Variants in KIAA1217 observed in about 807,000 individuals in gnomAD.
The protein encoded by KIAA1217 is KIAA1217, also known as sickle tail protein homolog.
Under a neutral mutation model 163.9 loss-of-function variants are expected in KIAA1217, and 88 were observed. The observed-to-expected ratio is 0.54, with a 90% CI of 0.45 to 0.64. KIAA1217 has a LOEUF of 0.64. Ranked by LOEUF, KIAA1217 falls within the 30% of genes least tolerant of loss-of-function variation. The pLI, the probability that KIAA1217 is intolerant of heterozygous loss-of-function variation, is 0.00. For synonymous variants in KIAA1217, 903 were observed against 923.1 expected (o/e 0.98, Z 0.39); for missense variants, 2,372 against 2,475.0 (o/e 0.96, Z 0.88).
intron 10 of KIAA1217, 38 bp downstream of exon 10, chr10:24,513,472 T>C: frequency 6.3e-7 from 1 of 1,596,676 alleles, no homozygotes; most frequent in Non-Finnish European, 8.6e-7. Context: ...CTGTTTCACC[T>C]GCAAAGGAAA....
At chr10:24,207,282 T>TCTCTCACA (rs529791287), upstream of KIAA1217, among the ~76,000 whole-genome samples, 14 of 140,234 alleles carry the variant, frequency 1.0e-4, no homozygotes, top group South Asian at 1.1e-3. Flanking sequence ...TCTCTCTCTC[T>TCTCTCACA]CACACACACA....
At chr10:23,711,454 G>A (rs895530542) in intron 1 of KIAA1217, among the ~76,000 whole-genome samples, 5 of 152,176 alleles carry the variant, frequency 3.3e-5, no homozygotes, top group Admixed American at 2.6e-4. Flanking sequence ...GCCTCCAGGA[G>A]ACAGAACAGG....
intron 1 of KIAA1217, among the ~76,000 whole-genome samples, chr10:23,944,721 T>A (rs1227572532): frequency 3.3e-5 from 5 of 152,174 alleles, no homozygotes; most frequent in Non-Finnish European, 7.3e-5. Context: ...CGTCATGCAT[T>A]GGTGGTACAG....
chr10:24,384,076 G>A (rs1291885586), intron 3 of KIAA1217, among the ~76,000 whole-genome samples: 2 of 152,202 alleles, frequency 1.3e-5, no homozygotes, highest in Non-Finnish European at 2.9e-5. Context: ...CAGAAGCACA[G>A]CTGCAACTCC....
chr10:24,321,682 A>G (rs1356442100), intron 2 of KIAA1217, among the ~76,000 whole-genome samples: 1 of 152,194 alleles, frequency 6.6e-6, no homozygotes, highest in Non-Finnish European at 1.5e-5. Flanking sequence ...GACAAATAGT[A>G]TAGGATTCCA....
At chr10:24,073,739 G>C (rs1228321997) in intron 2 of KIAA1217, among the ~76,000 whole-genome samples, 3 of 152,198 alleles carry the variant, frequency 2.0e-5, no homozygotes, top group African/African-American at 7.2e-5. Flanking sequence ...CCAGAGCAGA[G>C]CTGAGACCAA....
At chr10:24,156,361 A>T (rs1005613489) in intron 2 of KIAA1217, among the ~76,000 whole-genome samples, 1 of 152,166 alleles carries the variant, frequency 6.6e-6, no homozygotes, top group Non-Finnish European at 1.5e-5. Flanking sequence ...CTGTTTATCC[A>T]TTTAAATGTT....
intron 1 of KIAA1217, among the ~76,000 whole-genome samples, chr10:23,952,755 A>G (rs1303775066): frequency 6.6e-6 from 1 of 152,246 alleles, no homozygotes; most frequent in Non-Finnish European, 1.5e-5. Flanking sequence ...ACATACTTGT[A>G]AACTATAAAG....
chr10:23,943,020 G>A (rs1346093562), intron 1 of KIAA1217, among the ~76,000 whole-genome samples: 1 of 151,582 alleles, frequency 6.6e-6, no homozygotes, highest in Non-Finnish European at 1.5e-5. Context: ...AGCTACTCAA[G>A]AGGCTGAGGT....
chr10:23,729,131 A>AT (rs1215060334), intron 1 of KIAA1217, among the ~76,000 whole-genome samples: 2 of 152,090 alleles, frequency 1.3e-5, no homozygotes, highest in African/African-American at 4.8e-5. Flanking sequence ...TTCATAGCTC[A>AT]TTTCTTTTTA....
chr10:24,270,052 C>T (rs1262335708), intron 2 of KIAA1217, among the ~76,000 whole-genome samples: 1 of 152,212 alleles, frequency 6.6e-6, no homozygotes, highest in East Asian at 1.9e-4. Context: ...CACAGATTGC[C>T]GAGTTCTGGT....
At chr10:23,761,657 G>A (rs1299203033) in intron 1 of KIAA1217, among the ~76,000 whole-genome samples, 1 of 152,134 alleles carries the variant, frequency 6.6e-6, no homozygotes, top group Non-Finnish European at 1.5e-5. Context: ...ATTTGCTGAG[G>A]AGTGTTTTAC....
chr10:24,342,137 T>C (rs1332511677), intron 2 of KIAA1217, among the ~76,000 whole-genome samples: 3 of 152,170 alleles, frequency 2.0e-5, no homozygotes, highest in African/African-American at 7.2e-5. Context: ...TGTGTACAAA[T>C]ACACACAAGG....
chr10:24,515,240 G>A (rs2069897404), intron 10 of KIAA1217, among the ~76,000 whole-genome samples: 1 of 151,624 alleles, frequency 6.6e-6, no homozygotes, highest in Non-Finnish European at 1.5e-5. Flanking sequence ...GCTAATTTTT[G>A]TATTTTTAGT....
intron 1 of KIAA1217, among the ~76,000 whole-genome samples, chr10:23,812,757 T>C (rs565745916): frequency 3.9e-5 from 6 of 152,360 alleles, no homozygotes; most frequent in African/African-American, 1.4e-4. Flanking sequence ...TAGATTTGTC[T>C]ATTCTAGATA....
chr10:24,352,677 G>A (rs2048603814), intron 2 of KIAA1217, among the ~76,000 whole-genome samples: 1 of 152,114 alleles, frequency 6.6e-6, no homozygotes, highest in Admixed American at 6.5e-5. Context: ...AGGCAAGTGG[G>A]ATTTATTAGC....
At chr10:23,993,637 C>T (rs1241513949) in intron 1 of KIAA1217, among the ~76,000 whole-genome samples, 1 of 144,206 alleles carries the variant, frequency 6.9e-6, no homozygotes, top group Admixed American at 7.2e-5. Flanking sequence ...CTCACTGCAA[C>T]CTTCGCCTCC....
At chr10:23,840,814 C>A (rs1002843711) in intron 1 of KIAA1217, among the ~76,000 whole-genome samples, 1 of 152,128 alleles carries the variant, frequency 6.6e-6, no homozygotes, top group Non-Finnish European at 1.5e-5. Context: ...AATCAGAGTT[C>A]GACAGAACTG....
Position 24,438,436 on chromosome 10 carries a change from A to G in KIAA1217, c.803A>G (p.His268Arg), listed in dbSNP as rs777318599. 2 of 1,613,638 alleles carry G rather than the reference A, an allele frequency of 1.2e-6. No homozygotes were observed. Among genetic ancestry groups the G allele is most frequent in the East Asian group, 2.2e-5 (1 of 44,878 alleles). The change falls in exon 5 of 21, where the codon CAT becomes CGT. Residue 268 changes from histidine (H) to arginine (R), a missense_variant. This residue lies in a region of KIAA1217 where 1,431 missense variants were observed against 1,470.3 expected (regional missense o/e 0.97). Coordinates refer to ENST00000376454, the MANE Select transcript of KIAA1217 (RefSeq NM_019590.5). ...AAAGTGTACAACAAGGATCCTGCAC[A>G]TGCGTTTAATCACACACCAAAAACT... is the stretch of plus-strand genomic sequence containing the variant. ...LLKVYNKDPA[H>R]AFNHTPKTMN...
Sources: gnomAD v4.1 joint callset for allele counts (sites outside exome capture counted in the v4.1 genomes callset) on GRCh38, gnomAD v4.1.1 for gene constraint, gnomAD v4.1.1 regional missense constraint, MANE v1.5 for transcripts, NCBI Gene and HGNC (gene_info 2026-07-23, HGNC 2026-07-21) for gene names.